The following PTPRM variants were observed in gnomAD, a reference collection of about 807,000 sequenced individuals.
PTPRM encodes receptor-type tyrosine-protein phosphatase mu.
PTPRM carries 47 observed loss-of-function variants against 186.7 expected under a neutral mutation model. The ratio of observed to expected loss-of-function variants is 0.25; its 90% CI spans 0.20 to 0.32. PTPRM has a LOEUF of 0.32. Among genes scored for constraint, PTPRM ranks in the 10% least tolerant of loss-of-function variants. The pLI is 1.00. For synonymous variants in PTPRM, 668 were observed against 674.9 expected (o/e 0.99, Z 0.16); for missense variants, 1,494 against 1,865.0 (o/e 0.80, Z 3.66).
intron 2 of PTPRM, among the ~76,000 whole-genome samples, chr18:7,811,642 G>A (rs1392474073): frequency 6.6e-6 from 1 of 152,122 alleles, no homozygotes; most frequent in African/African-American, 2.4e-5. Context: ...TGGGTTTACA[G>A]GCGTGAGCTA....
intron 1 of PTPRM, among the ~76,000 whole-genome samples, chr18:7,647,267 A>G (rs1299143627): frequency 2.6e-5 from 4 of 152,202 alleles, no homozygotes; most frequent in African/African-American, 7.2e-5. Context: ...GAAAAACTCA[A>G]TCTCACAAGG....
intron 4 of PTPRM, among the ~76,000 whole-genome samples, chr18:7,921,482 G>T (rs560041029): frequency 2.6e-5 from 4 of 151,366 alleles, no homozygotes; most frequent in African/African-American, 4.9e-5. Context: ...CCGGGTACAT[G>T]CCATTCTCCT....
At chr18:8,394,007 A>T (rs566592604) in intron 31 of PTPRM, among the ~76,000 whole-genome samples, 15 of 152,222 alleles carry the variant, frequency 9.9e-5, no homozygotes, top group South Asian at 8.3e-4. Context: ...TTAGCCAGGA[A>T]GGTCTCGATC....
At chr18:7,994,265 A>AACACACACAC (rs71165762) in intron 7 of PTPRM, among the ~76,000 whole-genome samples, 36 of 148,904 alleles carry the variant, frequency 2.4e-4, no homozygotes, top group African/African-American at 8.6e-4. Flanking sequence ...GGATATAAAT[A>AACACACACAC]ACACACACAC....
At chr18:7,859,830 C>T (rs2047272813) in intron 2 of PTPRM, among the ~76,000 whole-genome samples, 2 of 152,098 alleles carry the variant, frequency 1.3e-5, no homozygotes, top group African/African-American at 2.4e-5. Flanking sequence ...AAACCGTGGC[C>T]AGGTCAGTAA....
intron 15 of PTPRM, among the ~76,000 whole-genome samples, chr18:8,245,805 C>T (rs2094472059): frequency 6.6e-6 from 1 of 152,118 alleles, no homozygotes; most frequent in African/African-American, 2.4e-5. Context: ...ATCCCAAAAG[C>T]AAGAATCTTC....
chr18:7,573,616 T>G (rs1393660940), intron 1 of PTPRM, among the ~76,000 whole-genome samples: 2 of 152,092 alleles, frequency 1.3e-5, no homozygotes, highest in Non-Finnish European at 2.9e-5. Flanking sequence ...TGAGACAAAG[T>G]CTCGCTCTTG....
At chr18:8,304,821 ATTT>A (rs34216473) in intron 20 of PTPRM, among the ~76,000 whole-genome samples, 8,783 of 131,240 alleles carry the variant, frequency 0.067, 839 homozygotes, top group African/African-American at 0.22. Context: ...TGTTGACTTT[ATTT>A]TTTTTTTTTT....
In PTPRM at chr18:8,378,349, C is replaced by T; in HGVS notation, c.3547C>T (p.Leu1183=). Residue 1183 remains leucine, a synonymous_variant, in exon 27 of 33, where the codon CTG becomes TTG. Coordinates refer to ENST00000580170, the MANE Select transcript of PTPRM (RefSeq NM_001105244.2). ...TGTGCCTGCTTCCCAAGTTAGGTCT[C>T]TGTATTATGACATGAACAAACTGGA... The part of the protein sequence containing the change: ...TSVPASQVRS[L]YYDMNKLDPQ... The T allele has an allele frequency of 1.2e-6, 2 of 1,613,992 alleles. No individual in the cohort carries two copies. The highest frequency in any genetic ancestry group is 1.1e-5 in the South Asian group (1 of 91,080).
chr18:8,310,860 A>G (rs1432984804), intron 20 of PTPRM, among the ~76,000 whole-genome samples: 1 of 152,214 alleles, frequency 6.6e-6, no homozygotes, highest in East Asian at 1.9e-4. Flanking sequence ...CACTGAATAA[A>G]TGAGAAGACC....
intron 14 of PTPRM, among the ~76,000 whole-genome samples, chr18:8,175,354 GAATA>G (rs1285925226): frequency 6.6e-6 from 1 of 152,158 alleles, no homozygotes; most frequent in Non-Finnish European, 1.5e-5. Flanking sequence ...CAACTGGAGT[GAATA>G]AATATTCACC....
intron 5 of PTPRM, among the ~76,000 whole-genome samples, chr18:7,939,599 G>A (rs1024648999): frequency 1.4e-4 from 21 of 152,074 alleles, no homozygotes; most frequent in African/African-American, 4.3e-4. Context: ...TATTTAACCC[G>A]GTCAGATATC....
intron 2 of PTPRM, among the ~76,000 whole-genome samples, chr18:7,842,643 A>C (rs2046380286): frequency 1.3e-5 from 2 of 151,998 alleles, no homozygotes; most frequent in African/African-American, 4.8e-5. Flanking sequence ...AAAGAGACAG[A>C]GTTTTCCTAA....
In PTPRM at chr18:7,661,896, A is replaced by G. The variant is rs369086222; in HGVS notation, c.73+94005A>G. Among the ~76,000 whole-genome samples, 45 of 152,236 alleles carry G rather than the reference A, an allele frequency of 3.0e-4. No individual in the cohort carries two copies. The East Asian group carries it at 7.6e-3, about 26-fold the overall frequency. On this transcript the variant is annotated intron_variant, in intron 1 of 32. Coordinates refer to ENST00000580170, the MANE Select transcript of PTPRM (RefSeq NM_001105244.2). ...TTCTGATCTTATTTTTAATGGCAAT[A>G]TAGTTTGACAGGTGTGCTCATGTAT...
At chr18:8,035,390 C>T (rs952278559) in intron 7 of PTPRM, among the ~76,000 whole-genome samples, 4 of 152,130 alleles carry the variant, frequency 2.6e-5, no homozygotes, top group African/African-American at 9.7e-5. Context: ...AGACTGCCCC[C>T]CTCCTCCCCA....
intron 1 of PTPRM, among the ~76,000 whole-genome samples, chr18:7,753,486 C>T (rs1013035774): frequency 6.6e-6 from 1 of 152,098 alleles, no homozygotes; most frequent in African/African-American, 2.4e-5. Context: ...TCTTTTCTTT[C>T]TCGAAGCCTT....
At chr18:8,041,875 C>T (rs1282003246) in intron 7 of PTPRM, among the ~76,000 whole-genome samples, 1 of 152,216 alleles carries the variant, frequency 6.6e-6, no homozygotes, top group Non-Finnish European at 1.5e-5. Context: ...ATGCTTGTCT[C>T]TCTTTAGAAC....
At chr18:7,592,711 G>C (rs1005960493) in intron 1 of PTPRM, among the ~76,000 whole-genome samples, 4 of 152,256 alleles carry the variant, frequency 2.6e-5, no homozygotes, top group Admixed American at 2.0e-4. Context: ...AAATTGGAGT[G>C]TGTGCTATAA....
At chr18:7,601,388 C>T (rs2037399176) in intron 1 of PTPRM, among the ~76,000 whole-genome samples, 1 of 152,230 alleles carries the variant, frequency 6.6e-6, no homozygotes, top group Non-Finnish European at 1.5e-5. Context: ...TGACCACAAA[C>T]TTGCCAGCTT....
Sources: gnomAD v4.1 joint callset for allele counts (sites outside exome capture counted in the v4.1 genomes callset) on GRCh38, gnomAD v4.1.1 for gene constraint, MANE v1.5 for transcripts, NCBI Gene and HGNC (gene_info 2026-07-23, HGNC 2026-07-21) for gene names.